The following PTPN4 variants were observed in gnomAD, a reference collection of about 807,000 sequenced individuals.
PTPN4 encodes the protein tyrosine-protein phosphatase non-receptor type 4.
A neutral mutation model predicts 135.5 loss-of-function variants in PTPN4; 49 were observed. The ratio of observed to expected loss-of-function variants is 0.36; its 90% confidence interval spans 0.29 to 0.46. The LOEUF (loss-of-function observed/expected upper bound fraction) is 0.46, where lower values mean the gene tolerates loss of function less well. PTPN4 is among the 20% of genes least tolerant of loss of function. The pLI is 1.00. For synonymous variants in PTPN4, 333 were observed against 369.9 expected (o/e 0.90, Z 1.14); for missense variants, 860 against 1,101.0 (o/e 0.78, Z 3.10).
chr2:119,761,690 C>A (rs924209514), intron 1 of PTPN4, among the ~76,000 whole-genome samples: 3 of 152,064 alleles, frequency 2.0e-5, no homozygotes, highest in African/African-American at 7.2e-5. Context: ...ACGCACGGTC[C>A]CATAGTATCA....
At chr2:119,892,064 C>CTG (rs1678248795) in intron 9 of PTPN4, among the ~76,000 whole-genome samples, 1 of 152,174 alleles carries the variant, frequency 6.6e-6, no homozygotes, top group Non-Finnish European at 1.5e-5. Context: ...GTAGATAAAA[C>CTG]TGAACCCTCC....
intron 15 of PTPN4, 131 bp downstream of exon 15, chr2:119,935,089 G>A (rs1050995570): frequency 1.9e-6 from 2 of 1,057,708 alleles, no homozygotes; most frequent in Non-Finnish European, 2.7e-6. Context: ...GTGTATGTTT[G>A]CAATTATGCT....
intron 9 of PTPN4, among the ~76,000 whole-genome samples, chr2:119,894,645 G>A (rs1433364268): frequency 6.6e-6 from 1 of 152,042 alleles, no homozygotes; most frequent in Non-Finnish European, 1.5e-5. Flanking sequence ...AGAACATACT[G>A]CTACAGGATA....
intron 12 of PTPN4, among the ~76,000 whole-genome samples, chr2:119,925,075 CAT>C (rs1409689525): frequency 1.3e-5 from 2 of 152,100 alleles, no homozygotes; most frequent in African/African-American, 4.8e-5. Context: ...CTGACTGATA[CAT>C]TAATTTTCCA....
chr2:119,967,927 T>A lies in PTPN4; in HGVS notation c.2649T>A (p.Ile883=). The change falls in exon 26 of 27, where the codon ATT becomes ATA. Residue 883 remains isoleucine, a synonymous_variant. Coordinates refer to ENST00000263708, the MANE Select transcript of PTPN4 (RefSeq NM_002830.4). ...ECNQPVYPLD[I]VRTMRDQRAM... is the part of the protein sequence containing the mutation. ...ATCAGCCAGTTTATCCACTAGATAT[T>A]GTAAGAACAATGAGAGATCAGCGAG... is the stretch of plus-strand genomic sequence containing the variant. The A allele has an allele frequency of 1.9e-6, 3 of 1,610,706 alleles. No individual in the cohort carries two copies. The highest frequency in any genetic ancestry group is 2.5e-6 in the Non-Finnish European group (3 of 1,177,530).
chr2:119,965,568 G>C lies in PTPN4; in HGVS notation c.2481G>C (p.Ser827=), dbSNP rs746299442. Residue 827 remains serine (S), a synonymous_variant, in exon 25 of 27, where the codon TCG becomes TCC. Coordinates refer to ENST00000263708, the MANE Select transcript of PTPN4 (RefSeq NM_002830.4). ...AWPDHGVPDD[S]SDFLDFVCHV... ...CTGACCATGGAGTCCCTGATGATTC[G>C]AGTGACTTTCTAGATTTTGTTTGTC... The C allele has an allele frequency of 6.2e-7, 1 of 1,613,714 alleles. No homozygotes were observed. Among genetic ancestry groups the C allele is most frequent in the Middle Eastern group, 1.7e-4 (1 of 6,060 alleles).
intron 2 of PTPN4, among the ~76,000 whole-genome samples, chr2:119,842,146 C>T (rs1361615939): frequency 6.6e-6 from 1 of 152,098 alleles, no homozygotes; most frequent in East Asian, 1.9e-4. Context: ...AGGAAGGCTC[C>T]CTCAGGTCAC....
intron 13 of PTPN4, among the ~76,000 whole-genome samples, chr2:119,931,226 G>A (rs1013962545): frequency 4.0e-5 from 6 of 151,752 alleles, no homozygotes; most frequent in African/African-American, 1.5e-4. Flanking sequence ...TAAATTATTC[G>A]CCTCCACATT....
At chr2:119,827,853 A>AT (rs1385126218) in intron 2 of PTPN4, among the ~76,000 whole-genome samples, 2 of 152,090 alleles carry the variant, frequency 1.3e-5, no homozygotes, top group Non-Finnish European at 2.9e-5. Context: ...CAATCTAAGT[A>AT]TTTTTTCCCC....
At chr2:119,905,370 C>T (rs1678472020) in intron 10 of PTPN4, among the ~76,000 whole-genome samples, 1 of 151,996 alleles carries the variant, frequency 6.6e-6, no homozygotes, top group South Asian at 2.1e-4. Flanking sequence ...TTGTAAAAAA[C>T]CATAAAAAGA....
intron 2 of PTPN4, among the ~76,000 whole-genome samples, chr2:119,825,066 T>C (rs1677127377): frequency 6.6e-6 from 1 of 152,242 alleles, no homozygotes; most frequent in South Asian, 2.1e-4. Flanking sequence ...CCTACGTATA[T>C]ACTTATTTCT....
In PTPN4 at chr2:119,947,263, C is replaced by T. The variant is rs1161501755; in HGVS notation, c.1656+689C>T. Among the ~76,000 whole-genome samples, 5 of 152,238 alleles carry T rather than the reference C, an allele frequency of 3.3e-5. No individual in the cohort carries two copies. The East Asian group carries it at 7.7e-4, about 23-fold the overall frequency. ...AGCACCTTTTATCATTTAACTGTCT[C>T]TCTGTTCTAGGAAAGGTATGAACCA... On this transcript the variant is annotated intron_variant, in intron 18 of 26. Transcript: ENST00000263708.
intron 22 of PTPN4, among the ~76,000 whole-genome samples, chr2:119,959,997 A>G (rs910971059): frequency 1.3e-5 from 2 of 152,194 alleles, no homozygotes; most frequent in African/African-American, 2.4e-5. Context: ...ACAACATTAT[A>G]TATATAGTAT....
intron 9 of PTPN4, among the ~76,000 whole-genome samples, chr2:119,891,823 T>C (rs138422271): frequency 1.3e-5 from 2 of 152,362 alleles, no homozygotes; most frequent in East Asian, 3.9e-4. Context: ...AGAATTATTG[T>C]ATTCCTTTGG....
At chr2:119,960,737 G>T in intron 22 of PTPN4, 70 bp from the exon 23 acceptor site, 1 of 1,497,632 alleles carries the variant, frequency 6.7e-7, no homozygotes, top group South Asian at 1.3e-5. Flanking sequence ...GTTAGTGGAT[G>T]ATTTTCCTAT....
chr2:119,763,893 GT>G (rs1690557463), intron 1 of PTPN4, among the ~76,000 whole-genome samples: 1 of 152,154 alleles, frequency 6.6e-6, no homozygotes, highest in Non-Finnish European at 1.5e-5. Context: ...CTGAGTTGTA[GT>G]ATTTAATCTT....
chr2:119,841,718 T>C (rs1037385238), intron 2 of PTPN4, among the ~76,000 whole-genome samples: 3 of 152,212 alleles, frequency 2.0e-5, no homozygotes, highest in African/African-American at 7.2e-5. Context: ...CTGTTTCTTC[T>C]CCCTTCCCAT....
intron 3 of PTPN4, among the ~76,000 whole-genome samples, chr2:119,873,744 T>C (rs1290091323): frequency 3.9e-5 from 6 of 152,220 alleles, no homozygotes; most frequent in African/African-American, 1.4e-4. Flanking sequence ...AATTCATATA[T>C]ATTGTATTGC....
At chr2:119,808,479 A>T (rs958359562) in intron 1 of PTPN4, among the ~76,000 whole-genome samples, 2 of 152,200 alleles carry the variant, frequency 1.3e-5, no homozygotes, top group Non-Finnish European at 2.9e-5. Flanking sequence ...CACAATTGCT[A>T]CAAAGAGAAT....
Sources: allele counts gnomAD v4.1 joint callset (sites outside exome capture counted in the v4.1 genomes callset), GRCh38; gene constraint gnomAD v4.1.1; transcripts MANE v1.5; gene names NCBI Gene and HGNC (gene_info 2026-07-23, HGNC 2026-07-21).